CACNA1B: variants seen among roughly 807,000 people sequenced by gnomAD.
The protein encoded by CACNA1B is voltage-dependent N-type calcium channel subunit alpha-1B.
Under a neutral mutation model 247.2 loss-of-function variants are expected in CACNA1B, and 70 were observed. The ratio of observed to expected loss-of-function variants is 0.28; its 90% confidence interval spans 0.23 to 0.35. The LOEUF (loss-of-function observed/expected upper bound fraction) is 0.35, where lower values mean the gene tolerates loss of function less well. Among genes scored for constraint, CACNA1B ranks in the 10% least tolerant of loss-of-function variants. The pLI is 1.00. For missense variants in CACNA1B, 2,367 were observed against 3,197.4 expected (o/e 0.74, Z 6.26); for synonymous variants, 1,231 against 1,294.4 (o/e 0.95, Z 1.05).
chr9:138,019,639 GCCGCC>G lies in CACNA1B; in HGVS notation c.2268-3369_2268-3365del, dbSNP rs558028803. Among the ~76,000 whole-genome samples the G allele has an allele frequency of 2.0e-4, 30 of 151,704 alleles. No individual in the cohort carries two copies. The East Asian group carries it at 5.8e-3, about 30-fold the overall frequency. On this transcript the variant is annotated intron_variant, in intron 18 of 46. Transcript: ENST00000371372. ...CTGTCCTAGTGGTGGTGAGGCCCCT[GCCGCC>G]CCCGCCCTGCCCAGTGCTTCCTTGC...
chr9:138,074,284 C>T (rs1048247406), intron 34 of CACNA1B, among the ~76,000 whole-genome samples: 7 of 151,678 alleles, frequency 4.6e-5, no homozygotes, highest in African/African-American at 9.7e-5. Context: ...TTTGTCACCC[C>T]GGCTGGAGTG....
intron 36 of CACNA1B, among the ~76,000 whole-genome samples, chr9:138,095,862 A>G (rs1176848982): frequency 7.7e-6 from 1 of 130,392 alleles, no homozygotes; most frequent in African/African-American, 2.9e-5. Flanking sequence ...ATCAAATCAT[A>G]TTGTGTGATT....
At chr9:138,098,762 G>A (rs1467921164) in intron 37 of CACNA1B, among the ~76,000 whole-genome samples, 2 of 152,164 alleles carry the variant, frequency 1.3e-5, no homozygotes, top group East Asian at 3.9e-4. Context: ...CAGAATACAG[G>A]CCTCACCCCA....
At chr9:138,075,565 C>T (rs138254924) in intron 34 of CACNA1B, among the ~76,000 whole-genome samples, 40 of 152,334 alleles carry the variant, frequency 2.6e-4, no homozygotes, top group African/African-American at 8.2e-4. Context: ...AGCTCGGGGC[C>T]GTTCTTGTGA....
chr9:138,008,878 C>T (rs562655251), intron 16 of CACNA1B, among the ~76,000 whole-genome samples: 3 of 152,332 alleles, frequency 2.0e-5, no homozygotes, highest in Admixed American at 6.5e-5. Context: ...TGCTGCCTGC[C>T]GTCCCATAGA....
At position 138,122,157 on chromosome 9, in the gene CACNA1B, TAGACGACGAATAA is replaced by T. The variant is rs1225672399; in HGVS notation, c.*161_*173del. ...CTCCCCCTCCTCCCCTCTTTTACTCTAGACGACGAATAAAGCCCTGTTAGAGGATGCGGCTCTC... is the reference window on the plus strand; with the variant it reads ...CTCCCCCTCCTCCCCTCTTTTACTCTAGCCCTGTTAGAGGATGCGGCTCTC... On this transcript the variant is annotated 3_prime_UTR_variant, in exon 47 of 47. Coordinates refer to ENST00000371372, the MANE Select transcript of CACNA1B (RefSeq NM_000718.4). The T allele has an allele frequency of 3.0e-5, 19 of 634,760 alleles. No individual in the cohort carries two copies. In the East Asian group the frequency reaches 4.7e-4, roughly 16 times the overall value. The allele number at this position is 634,760 out of a possible 1,614,324, so 39.3% of individuals were successfully genotyped here. A position where few individuals can be genotyped will look rare whatever the true frequency, so the allele number is the denominator to read the frequency against.
At position 138,118,008 on chromosome 9, in the gene CACNA1B, C is replaced by T. The variant is rs1170843536; in HGVS notation, c.5840C>T (p.Ala1947Val). The part of the protein sequence containing the change: ...VSWGTQRTQD[A>V]PHEARPPLER... ...TGGGGCACTCAAAGGACCCAGGATG[C>T]ACCCCATGAGGCCAGGCCACCCCTG... Residue 1947 changes from alanine (A) to valine (V), a missense_variant, in exon 43 of 47, where the codon GCA becomes GTA. Physicochemically the swap from Ala to Val is moderately conservative, Grantham distance 64 (BLOSUM62 0). Coordinates refer to ENST00000371372, the MANE Select transcript of CACNA1B (RefSeq NM_000718.4). 1 of 1,601,022 alleles carries T rather than the reference C, an allele frequency of 6.2e-7. No homozygotes were observed. Among genetic ancestry groups the T allele is most frequent in the Non-Finnish European group, 8.5e-7 (1 of 1,173,328 alleles).
In CACNA1B at chr9:138,058,866, C is replaced by G. The variant is rs1239554204; in HGVS notation, c.4473+133C>G. 1.2e-6 allele frequency: 1 copy of G among 841,626 alleles called. No homozygotes were observed. Among genetic ancestry groups the G allele is most frequent in the Non-Finnish European group, 1.9e-6 (1 of 524,928 alleles). 52.1% of individuals were successfully genotyped at this position (841,626 alleles called of 1,614,324 possible). A position where few individuals can be genotyped will look rare whatever the true frequency, so the allele number is the denominator to read the frequency against. ...AGTAGTGGCCTTGCATCCTGGCCAG[C>G]ATGGGATGCCTGTGGAATCCTGTTT... On this transcript the variant is annotated intron_variant, in intron 29 of 46. Coordinates refer to ENST00000371372, the MANE Select transcript of CACNA1B (RefSeq NM_000718.4). The surrounding 1 kb of genome is among the most constrained non-coding windows in gnomAD (Gnocchi z 4.7).
chr9:138,121,772 G>C lies in CACNA1B; in HGVS notation c.6793G>C (p.Asp2265His), dbSNP rs984728839. Residue 2265 changes from aspartate (D) to histidine (H), a missense_variant, in exon 47 of 47, where the codon GAC becomes CAC. Asp to His is a moderately conservative substitution (Grantham distance 81, BLOSUM62 -1). Coordinates refer to ENST00000371372, the MANE Select transcript of CACNA1B (RefSeq NM_000718.4). The surrounding 1 kb of genome is among the most constrained non-coding windows in gnomAD (Gnocchi z 6.8). ...GSDPYLGQRLDSEASVHALPE... is the reference protein window; with the variant it reads ...GSDPYLGQRLHSEASVHALPE... ...TGACCCTTACCTGGGGCAGCGTCTGGACAGTGAGGCCTCTGTCCACGCCCT... is the reference window on the plus strand; with the variant it reads ...TGACCCTTACCTGGGGCAGCGTCTGCACAGTGAGGCCTCTGTCCACGCCCT... 5.0e-6 allele frequency: 8 copies of C among 1,613,162 alleles called. No individual in the cohort carries two copies. Among genetic ancestry groups the C allele is most frequent in the Non-Finnish European group, 6.8e-6 (8 of 1,179,886 alleles).
At position 138,058,513 on chromosome 9, in the gene CACNA1B, T is replaced by A; in HGVS notation, c.4309-56T>A. 1 of 1,502,670 alleles carries A rather than the reference T, an allele frequency of 6.7e-7. No homozygotes were observed. The highest frequency in any genetic ancestry group is 9.1e-7 in the Non-Finnish European group (1 of 1,103,484). The allele number at this position is 1,502,670 out of a possible 1,614,324, so 93.1% of individuals were successfully genotyped here. The stretch of plus-strand genomic sequence containing the variant: ...GCGAGACAGGGCTGGGTGCAGTAGA[T>A]GCCGTCGGGTAGGTTTTCTGCTTCT... On this transcript the variant is annotated intron_variant, in intron 28 of 46. Coordinates refer to ENST00000371372, the MANE Select transcript of CACNA1B (RefSeq NM_000718.4). The surrounding 1 kb of genome is among the most constrained non-coding windows in gnomAD (Gnocchi z 4.7).
rs201814750 is a variant in CACNA1B at position 138,058,130 on chromosome 9, C to T, written c.4188C>T (p.Tyr1396=). 3.3e-5 allele frequency: 54 copies of T among 1,613,576 alleles called. No homozygotes were observed. Among genetic ancestry groups the T allele is most frequent in the Middle Eastern group, 1.6e-4 (1 of 6,084 alleles). ...PGYRMELSIF[Y]VVYFVVFPFF... ...ACCGCATGGAGCTGTCCATCTTCTA[C>T]GTGGTCTACTTTGTGGTCTTTCCCT... Residue 1396 remains tyrosine, a synonymous_variant, in exon 28 of 47, where the codon TAC becomes TAT. Coordinates refer to ENST00000371372, the MANE Select transcript of CACNA1B (RefSeq NM_000718.4). The surrounding 1 kb of genome is among the most constrained non-coding windows in gnomAD (Gnocchi z 4.7).
At position 137,880,448 on chromosome 9, in the gene CACNA1B, T is replaced by C. The variant is rs1432603714; in HGVS notation, c.390+1289T>C. 6.6e-6 allele frequency among the ~76,000 whole-genome samples: 1 copy of C among 151,868 alleles called. No individual in the cohort carries two copies. Among genetic ancestry groups the C allele is most frequent in the Non-Finnish European group, 1.5e-5 (1 of 67,942 alleles). On this transcript the variant is annotated intron_variant, in intron 2 of 46. Coordinates refer to ENST00000371372, the MANE Select transcript of CACNA1B (RefSeq NM_000718.4). The surrounding 1 kb of genome is among the most constrained non-coding windows in gnomAD (Gnocchi z 4.8). ...TTGAGAGGAAACAGGCAGAGAGCCT[T>C]GAATGCCAAGTCACAGGAAGGAGGG...
At chr9:137,995,794 A>G (rs1341651174) in intron 15 of CACNA1B, among the ~76,000 whole-genome samples, 1 of 152,276 alleles carries the variant, frequency 6.6e-6, no homozygotes, top group East Asian at 1.9e-4. Context: ...AAGGACTAAT[A>G]TCCAGAATCT....
At chr9:137,967,177 C>T (rs775881991) in intron 10 of CACNA1B, among the ~76,000 whole-genome samples, 2 of 152,142 alleles carry the variant, frequency 1.3e-5, no homozygotes, top group Non-Finnish European at 2.9e-5. Flanking sequence ...CCTTCCCTTC[C>T]CTGCTCTCAT....
In CACNA1B at chr9:138,010,961, C is replaced by T. The variant is rs939794054; in HGVS notation, c.2160+884C>T. On this transcript the variant is annotated intron_variant, in intron 17 of 46. Coordinates refer to ENST00000371372, the MANE Select transcript of CACNA1B (RefSeq NM_000718.4). This position sits in a 1 kb window ranked among gnomAD's most constrained non-coding sequence, Gnocchi z 5.3. ...TGAGTGCTGTGCAGGTGCCCCTGCTCCCCCCAGCCGAGCTCTCCAGGAGGG... is the reference window on the plus strand; with the variant it reads ...TGAGTGCTGTGCAGGTGCCCCTGCTTCCCCCAGCCGAGCTCTCCAGGAGGG... Among the ~76,000 whole-genome samples the T allele has an allele frequency of 2.4e-4, 36 of 152,256 alleles. No individual in the cohort carries two copies. Among genetic ancestry groups the T allele is most frequent in the African/African-American group, 7.9e-4 (33 of 41,564 alleles).
chr9:138,050,598 C>G lies in CACNA1B; in HGVS notation c.3710+1283C>G, dbSNP rs992683113. On this transcript the variant is annotated intron_variant, in intron 24 of 46. Transcript: ENST00000371372. The surrounding 1 kb of genome is among the most constrained non-coding windows in gnomAD (Gnocchi z 5.2). ...GCCTTGGGAGTGGGAACACTGCAGC[C>G]AGGGGTCCCCCAGTCAGGAGGAGGG... is the stretch of plus-strand genomic sequence containing the variant. Among the ~76,000 whole-genome samples, 2 of 152,208 alleles carry G rather than the reference C, an allele frequency of 1.3e-5. No homozygotes were observed. Among genetic ancestry groups the G allele is most frequent in the African/African-American group, 4.8e-5 (2 of 41,444 alleles).
chr9:137,947,023 TCAAA>T (rs886477305), intron 6 of CACNA1B, among the ~76,000 whole-genome samples: 28 of 152,196 alleles, frequency 1.8e-4, no homozygotes, highest in Non-Finnish European at 3.2e-4. Flanking sequence ...GGGAGTGGGC[TCAAA>T]CAAGTTGCTC....
chr9:137,946,790 C>T (rs1004165295), intron 6 of CACNA1B, among the ~76,000 whole-genome samples: 2 of 152,084 alleles, frequency 1.3e-5, no homozygotes, highest in Non-Finnish European at 2.9e-5. Flanking sequence ...AAATGCTTCC[C>T]CTGTATGGAG....
Position 138,003,365 on chromosome 9 carries a change from G to T in CACNA1B, c.1975-3402G>T, listed in dbSNP as rs764531952. Among the ~76,000 whole-genome samples the T allele has an allele frequency of 9.3e-5, 14 of 151,168 alleles. No homozygotes were observed. The South Asian group carries it at 1.3e-3, about 14-fold the overall frequency. ...TTAAAAAAATTTTTTTGTAGACAGGGTCTCACTATGTTGCCCAGGCTGGTC... is the reference window on the plus strand; with the variant it reads ...TTAAAAAAATTTTTTTGTAGACAGGTTCTCACTATGTTGCCCAGGCTGGTC... On this transcript the variant is annotated intron_variant, in intron 15 of 46. Transcript: ENST00000371372.
Sources: gnomAD v4.1 joint callset for allele counts (sites outside exome capture counted in the v4.1 genomes callset) on GRCh38, gnomAD v4.1.1 for gene constraint, Gnocchi (gnomAD v3.1) non-coding constraint, MANE v1.5 for transcripts, NCBI Gene and HGNC (gene_info 2026-07-23, HGNC 2026-07-21) for gene names.